Variants in LPCAT1 observed in about 807,000 individuals in gnomAD.
LPCAT1 encodes the protein lysophosphatidylcholine acyltransferase 1.
Under a neutral mutation model 60.9 loss-of-function variants are expected in LPCAT1, and 23 were observed. The ratio of observed to expected loss-of-function variants is 0.38; its 90% CI spans 0.27 to 0.53. The LOEUF is 0.53. Among genes scored for constraint, LPCAT1 ranks in the 20% least tolerant of loss-of-function variants. The pLI is 0.82. For missense variants in LPCAT1, 622 were observed against 723.6 expected (o/e 0.86, Z 1.61); for synonymous variants, 340 against 301.1 (o/e 1.13, Z -1.34).
chr5:1,464,317 G>C (rs982970267), intron 13 of LPCAT1, among the ~76,000 whole-genome samples: 2 of 152,182 alleles, frequency 1.3e-5, no homozygotes, highest in Admixed American at 6.5e-5. Flanking sequence ...TCATGTGAGC[G>C]CCCTCGGCTC....
At position 1,501,651 on chromosome 5, in the gene LPCAT1, G is replaced by T. The variant is rs1560985097; in HGVS notation, c.136-48C>A. 4 of 1,597,618 alleles carry T rather than the reference G, an allele frequency of 2.5e-6. No homozygotes were observed. In the South Asian group the frequency reaches 4.4e-5, roughly 18 times the overall value. On this transcript the variant is annotated intron_variant, in intron 1 of 13. Transcript: ENST00000283415. ...TCCAGAGAATCCATGTAGGACACCA[G>T]GCAGCTCCCCACCCGGCAGAGGCTA... is the stretch of plus-strand genomic sequence containing the variant.
intron 2 of LPCAT1, among the ~76,000 whole-genome samples, chr5:1,500,673 C>T (rs966558881): frequency 1.3e-5 from 2 of 152,130 alleles, no homozygotes; most frequent in African/African-American, 2.4e-5. Context: ...GCCCACTGGC[C>T]GGAGCTTCTG....
At chr5:1,492,481 G>A (rs1489663624) in intron 3 of LPCAT1, among the ~76,000 whole-genome samples, 1 of 152,360 alleles carries the variant, frequency 6.6e-6, no homozygotes, top group East Asian at 1.9e-4. Context: ...TTTCAGGCCA[G>A]GACAGCAGGG....
Position 1,476,992 on chromosome 5 carries a change from ACCACT to A in LPCAT1, c.899+407_899+411del, listed in dbSNP as rs1361272589. ...ACCTTACAAGATTAAATGTGCAACC[ACCACT>A]CCACTCTGCCAGATAGAGTAAGGGC... On this transcript the variant is annotated intron_variant, in intron 9 of 13. Transcript: ENST00000283415. This position sits in a 1 kb window ranked among gnomAD's most constrained non-coding sequence, Gnocchi z 8.6. Among the ~76,000 whole-genome samples, 2 of 152,218 alleles carry A rather than the reference ACCACT, an allele frequency of 1.3e-5. No homozygotes were observed. Among genetic ancestry groups the A allele is most frequent in the Non-Finnish European group, 2.9e-5 (2 of 68,032 alleles).
At chr5:1,503,177 C>T (rs1453911871) in intron 1 of LPCAT1, among the ~76,000 whole-genome samples, 4 of 152,278 alleles carry the variant, frequency 2.6e-5, no homozygotes, top group Non-Finnish European at 4.4e-5. Flanking sequence ...GCCTCCCCTT[C>T]CCCGCTTCTG....
chr5:1,490,822 T>G (rs890303437), intron 3 of LPCAT1, among the ~76,000 whole-genome samples: 23 of 152,164 alleles, frequency 1.5e-4, no homozygotes, highest in Non-Finnish European at 2.9e-5. Flanking sequence ...AAAATGAAAC[T>G]ATCCCTGAGT....
At chr5:1,500,127 G>A (rs1735951665) in intron 2 of LPCAT1, among the ~76,000 whole-genome samples, 1 of 152,244 alleles carries the variant, frequency 6.6e-6, no homozygotes, top group South Asian at 2.1e-4. Flanking sequence ...TTATAGTCAG[G>A]CAGCAGCCTC....
intron 11 of LPCAT1, 43 bp from the exon 12 acceptor site, chr5:1,470,967 G>T: frequency 6.4e-7 from 1 of 1,565,102 alleles, no homozygotes; most frequent in Non-Finnish European, 8.8e-7. Context: ...GCCGCCTTCG[G>T]CACTGGAGAA....
chr5:1,512,708 G>A (rs1019050552), intron 1 of LPCAT1, among the ~76,000 whole-genome samples: 4 of 152,240 alleles, frequency 2.6e-5, no homozygotes, highest in South Asian at 2.1e-4. Context: ...TGGACTAAGC[G>A]TTCCCTGACA....
At chr5:1,503,809 C>T (rs1442877082) in intron 1 of LPCAT1, among the ~76,000 whole-genome samples, 3 of 151,742 alleles carry the variant, frequency 2.0e-5, no homozygotes, top group Non-Finnish European at 2.9e-5. Context: ...CATATTTTTC[C>T]CTCCCGCTAC....
chr5:1,474,572 A>C lies in LPCAT1; in HGVS notation c.1013T>G (p.Val338Gly). Reference sequence around the variant, plus strand: ...ACCAGGTACTCACCCGAGGCCCCGCACGAGCCTGGCAAATTCTAAAAGGCA... The same window carrying C: ...ACCAGGTACTCACCCGAGGCCCCGCCCGAGCCTGGCAAATTCTAAAAGGCA... ...DTCLLEFARL[V>G]RGLGLKPEKL... Residue 338 changes from valine to glycine, a missense_variant, in exon 10 of 14, where the codon GTG becomes GGG. Physicochemically the swap from Val to Gly is moderately radical, Grantham distance 109. Transcript: ENST00000283415. 6.2e-7 allele frequency: 1 copy of C among 1,613,966 alleles called. No individual in the cohort carries two copies. Among genetic ancestry groups the C allele is most frequent in the Non-Finnish European group, 8.5e-7 (1 of 1,180,018 alleles).
At position 1,520,860 on chromosome 5, in the gene LPCAT1, CAAAAAAAAA is replaced by C. The variant is rs59074953; in HGVS notation, c.135+2841_135+2849del. ...CCTGGGCGACAGAGAGAGACTGTCT[CAAAAAAAAA>C]AAAAAAAAAAGAAAAAGAAAAAGAA... On this transcript the variant is annotated intron_variant, in intron 1 of 13. Transcript: ENST00000283415. Among the ~76,000 whole-genome samples, 3 of 82,046 alleles carry C rather than the reference CAAAAAAAAA, an allele frequency of 3.7e-5. No homozygotes were observed. The East Asian group carries it at 9.9e-4, about 27-fold the overall frequency. The allele number at this position is 82,046 out of a possible 152,430, so 53.8% of individuals were successfully genotyped here.
In LPCAT1 at chr5:1,487,242, C is replaced by T. The variant is rs1286815640; in HGVS notation, c.667+1149G>A. On this transcript the variant is annotated intron_variant, in intron 5 of 13. Transcript: ENST00000283415. The surrounding 1 kb of genome is among the most constrained non-coding windows in gnomAD (Gnocchi z 6.1). ...CCACTTTTGGCCTTCACCAAGGTTG[C>T]CCACAGGCCACGCCCAGGCACGGAC... Among the ~76,000 whole-genome samples the T allele has an allele frequency of 6.6e-6, 1 of 152,228 alleles. No individual in the cohort carries two copies. The highest frequency in any genetic ancestry group is 1.5e-5 in the Non-Finnish European group (1 of 68,040).
intron 12 of LPCAT1, among the ~76,000 whole-genome samples, chr5:1,468,162 A>T (rs192120457): frequency 3.5e-4 from 53 of 151,726 alleles, no homozygotes; most frequent in Middle Eastern, 3.4e-3. Context: ...CTCTGCCTCT[A>T]CCCCATGGAC....
At position 1,523,635 on chromosome 5, in the gene LPCAT1, T is replaced by G; in HGVS notation, c.135+75A>C. ...CCCAGGCCCCCTCCCCGGCCCCTCCTCGGCCGCGCCTCCCTGGCCCCAGCA... is the reference window on the plus strand; with the variant it reads ...CCCAGGCCCCCTCCCCGGCCCCTCCGCGGCCGCGCCTCCCTGGCCCCAGCA... On this transcript the variant is annotated intron_variant, in intron 1 of 13. Coordinates refer to ENST00000283415, the MANE Select transcript of LPCAT1 (RefSeq NM_024830.5). This position sits in a 1 kb window ranked among gnomAD's most constrained non-coding sequence, Gnocchi z 7.1. 1.0e-6 allele frequency: 1 copy of G among 1,003,890 alleles called. No individual in the cohort carries two copies. Among genetic ancestry groups the G allele is most frequent in the Non-Finnish European group, 1.2e-6 (1 of 836,534 alleles). The allele number at this position is 1,003,890 out of a possible 1,614,324, so 62.2% of individuals were successfully genotyped here.
rs537529545 is a variant in LPCAT1, at chr5:1,466,621, G to A, written c.1420+128C>T. On this transcript the variant is annotated intron_variant, in intron 13 of 13. Coordinates refer to ENST00000283415, the MANE Select transcript of LPCAT1 (RefSeq NM_024830.5). ...TCTCAGGGGTTTCTTTGTTACACAG[G>A]GCAGCCTGGTGAATGGAGGCATGGC... The A allele has an allele frequency of 9.5e-5, 100 of 1,051,524 alleles. No homozygotes were observed. In the Admixed American group the frequency reaches 1.2e-3, roughly 12 times the overall value. 65.1% of individuals were successfully genotyped at this position (1,051,524 alleles called of 1,614,324 possible). A position where few individuals can be genotyped will look rare whatever the true frequency, so the allele number is the denominator to read the frequency against.
intron 2 of LPCAT1, among the ~76,000 whole-genome samples, chr5:1,500,846 T>C (rs1322328725): frequency 6.6e-6 from 1 of 152,230 alleles, no homozygotes; most frequent in Non-Finnish European, 1.5e-5. Flanking sequence ...TCATTGCTGC[T>C]GCTCTCACAC....
rs1321844219 is a variant in LPCAT1 at position 1,521,017 on chromosome 5, A to G, written c.135+2693T>C. On this transcript the variant is annotated intron_variant, in intron 1 of 13. Coordinates refer to ENST00000283415, the MANE Select transcript of LPCAT1 (RefSeq NM_024830.5). This position sits in a 1 kb window ranked among gnomAD's most constrained non-coding sequence, Gnocchi z 4.3. ...AACCACTTCATGACTCCAAAACGAT[A>G]TATGAATGTGTGACTATGAAGAACC... Among the ~76,000 whole-genome samples the G allele has an allele frequency of 6.6e-6, 1 of 152,160 alleles. No individual in the cohort carries two copies. The highest frequency in any genetic ancestry group is 1.5e-5 in the Non-Finnish European group (1 of 68,042).
intron 11 of LPCAT1, among the ~76,000 whole-genome samples, chr5:1,473,084 C>T (rs1366235651): frequency 6.6e-6 from 1 of 152,150 alleles, no homozygotes; most frequent in African/African-American, 2.4e-5. Flanking sequence ...CAGAGTCCTC[C>T]CCCTGTCCTG....
Sources: gnomAD v4.1 joint callset for allele counts (sites outside exome capture counted in the v4.1 genomes callset) on GRCh38, gnomAD v4.1.1 for gene constraint, Gnocchi (gnomAD v3.1) non-coding constraint, MANE v1.5 for transcripts, NCBI Gene and HGNC (gene_info 2026-07-23, HGNC 2026-07-21) for gene names.